Variants in AP1AR observed in about 807,000 individuals in gnomAD.
The protein encoded by AP1AR is AP-1 complex-associated regulatory protein.
A neutral mutation model predicts 46.3 loss-of-function variants in AP1AR; 29 were observed. The ratio of observed to expected loss-of-function variants is 0.63; its 90% confidence interval spans 0.47 to 0.85. AP1AR has a LOEUF of 0.85. Ranked by LOEUF, AP1AR falls within the 40% of genes least tolerant of loss-of-function variation. The pLI is 0.00. For missense variants in AP1AR, 357 were observed against 356.3 expected, an observed-to-expected ratio of 1.00 and a Z score of -0.02; for synonymous variants, 122 against 122.9, an observed-to-expected ratio of 0.99 and a Z score of 0.05.
chr4:112,251,327 A>G (rs1478294042), intron 1 of AP1AR, among the ~76,000 whole-genome samples: 1 of 152,214 alleles, frequency 6.6e-6, no homozygotes, highest in African/African-American at 2.4e-5. Flanking sequence ...GATATTTACA[A>G]CAGATAACAC....
chr4:112,240,193 C>G (rs919005324), intron 1 of AP1AR, among the ~76,000 whole-genome samples: 10 of 152,148 alleles, frequency 6.6e-5, no homozygotes, highest in African/African-American at 2.4e-4. Flanking sequence ...CCTCTTCTTT[C>G]TCCTTTTATT....
intron 1 of AP1AR, among the ~76,000 whole-genome samples, chr4:112,247,410 T>C (rs1412548802): frequency 2.0e-5 from 3 of 152,242 alleles, no homozygotes; most frequent in African/African-American, 7.2e-5. Context: ...CGTTGTAGTT[T>C]CGAATTTGAA....
chr4:112,264,365 C>G lies in AP1AR; in HGVS notation c.382-644C>G, dbSNP rs1248893802. On this transcript the variant is annotated intron_variant, in intron 6 of 9. Coordinates refer to ENST00000274000, the MANE Select transcript of AP1AR (RefSeq NM_018569.6). ...ATGTAGGAACACATTACAGTCTATA[C>G]AGCACATACTGACACACAGACATAC... Among the ~76,000 whole-genome samples, 4 of 152,128 alleles carry G rather than the reference C, an allele frequency of 2.6e-5. No individual in the cohort carries two copies. The East Asian group carries it at 7.7e-4, about 29-fold the overall frequency.
intron 1 of AP1AR, 115 bp downstream of exon 1, chr4:112,232,289 C>A: frequency 1.1e-6 from 1 of 880,470 alleles, no homozygotes; most frequent in Non-Finnish European, 1.5e-6. Flanking sequence ...AGCCCTGCTA[C>A]ACTCACTGCT....
intron 2 of AP1AR, among the ~76,000 whole-genome samples, chr4:112,254,015 T>C (rs1726077830): frequency 6.6e-6 from 1 of 152,188 alleles, no homozygotes; most frequent in African/African-American, 2.4e-5. Flanking sequence ...TTCAGAGAGA[T>C]TCCTTAATTT....
chr4:112,237,901 A>G (rs1725322748), intron 1 of AP1AR, among the ~76,000 whole-genome samples: 1 of 152,114 alleles, frequency 6.6e-6, no homozygotes. Context: ...CTACAGGCTT[A>G]TTTTTGCTCT....
intron 1 of AP1AR, among the ~76,000 whole-genome samples, chr4:112,248,352 T>C (rs569538215): frequency 2.0e-5 from 3 of 152,290 alleles, no homozygotes; most frequent in African/African-American, 7.2e-5. Flanking sequence ...GAAATAGAAA[T>C]ATAGATTGGA....
rs1354043708 is a variant in AP1AR at position 112,231,867 on chromosome 4, C to T, written c.-225C>T. 2.5e-6 allele frequency: 1 copy of T among 396,536 alleles called. No individual in the cohort carries two copies. Among genetic ancestry groups the T allele is most frequent in the African/African-American group, 2.1e-5 (1 of 48,484 alleles). The allele number at this position is 396,536 out of a possible 1,614,324, so 24.6% of individuals were successfully genotyped here. On this transcript the variant is annotated 5_prime_UTR_variant, in exon 1 of 10. Coordinates refer to ENST00000274000, the MANE Select transcript of AP1AR (RefSeq NM_018569.6). The stretch of plus-strand genomic sequence containing the variant: ...CCAGAGCCTTGAGCCCGGTGCTCCT[C>T]CCTCGCGCAGCGGTGGCTCTGCGGC...
intron 9 of AP1AR, 58 bp downstream of exon 9, chr4:112,266,774 GTAAATCTACC>G (rs746653177): frequency 1.4e-6 from 2 of 1,479,458 alleles, no homozygotes; most frequent in South Asian, 2.6e-5. Flanking sequence ...GTTGATTTAT[GTAAATCTACC>G]TTGGTCTTTA....
chr4:112,266,538 C>T (rs372860957), intron 8 of AP1AR, 50 bp from the exon 9 acceptor site: 202 of 1,557,464 alleles, frequency 1.3e-4, no homozygotes, highest in Admixed American at 2.1e-4. Context: ...ACGGCTGTTG[C>T]GGTGGAAGAG....
intron 1 of AP1AR, among the ~76,000 whole-genome samples, chr4:112,236,715 C>CT (rs991283252): frequency 3.9e-5 from 6 of 152,036 alleles, no homozygotes; most frequent in Non-Finnish European, 8.8e-5. Flanking sequence ...ATTTAAAAGT[C>CT]TTTTTTCCTT....
At chr4:112,268,067 A>G (rs1726780140) in intron 9 of AP1AR, 77 bp from the exon 10 acceptor site, 2 of 1,385,428 alleles carry the variant, frequency 1.4e-6, no homozygotes, top group Non-Finnish European at 9.6e-7. Flanking sequence ...TAAAAACTAC[A>G]TTGCTAAATT....
chr4:112,263,513 C>G (rs1372280457), intron 6 of AP1AR, among the ~76,000 whole-genome samples: 1 of 149,510 alleles, frequency 6.7e-6, no homozygotes, highest in East Asian at 2.0e-4. Flanking sequence ...TCTTTTTTTC[C>G]TGGAACTGGA....
intron 9 of AP1AR, among the ~76,000 whole-genome samples, chr4:112,267,703 G>A (rs1157241624): frequency 6.6e-6 from 1 of 151,950 alleles, no homozygotes; most frequent in South Asian, 2.1e-4. Context: ...TGGCATATAT[G>A]TCACATTAAC....
chr4:112,239,084 C>T (rs1381314569), intron 1 of AP1AR, among the ~76,000 whole-genome samples: 1 of 152,112 alleles, frequency 6.6e-6, no homozygotes, highest in Non-Finnish European at 1.5e-5. Flanking sequence ...ACATCTATAT[C>T]CTCTCTGCCT....
At chr4:112,250,507 CAT>C (rs1192611743) in intron 1 of AP1AR, among the ~76,000 whole-genome samples, 1 of 152,146 alleles carries the variant, frequency 6.6e-6, no homozygotes, top group Non-Finnish European at 1.5e-5. Context: ...TAATACATCA[CAT>C]GTCTGAGGGT....
intron 1 of AP1AR, among the ~76,000 whole-genome samples, chr4:112,251,536 T>A (rs1725962727): frequency 6.6e-6 from 1 of 152,204 alleles, no homozygotes; most frequent in Admixed American, 6.5e-5. Flanking sequence ...TTTCTAATTA[T>A]TCAGCTGTAC....
intron 1 of AP1AR, among the ~76,000 whole-genome samples, chr4:112,234,974 C>T (rs902456104): frequency 3.9e-5 from 6 of 152,054 alleles, no homozygotes; most frequent in African/African-American, 1.4e-4. Flanking sequence ...ACCACTTTTT[C>T]CAGTTTATAA....
chr4:112,260,778 G>A lies in AP1AR; in HGVS notation c.198G>A (p.Glu66=). The part of the protein sequence containing the change: ...SPGSSHRPLT[E]EEIVDLRERH... The stretch of plus-strand genomic sequence containing the variant: ...TTTTTTTCTCTAGGCCTCTTACTGA[G>A]GAAGAAATTGTTGACCTAAGAGAAA... The change falls in exon 5 of 10, where the codon GAG becomes GAA. Residue 66 remains glutamate, a synonymous_variant. Transcript: ENST00000274000. The A allele has an allele frequency of 2.5e-6, 4 of 1,591,416 alleles. No homozygotes were observed. The highest frequency in any genetic ancestry group is 2.6e-6 in the Non-Finnish European group (3 of 1,170,350).
Sources: allele counts gnomAD v4.1 joint callset (sites outside exome capture counted in the v4.1 genomes callset), GRCh38; gene constraint gnomAD v4.1.1; transcripts MANE v1.5; gene names NCBI Gene and HGNC (gene_info 2026-07-23, HGNC 2026-07-21).